Variants in DYNC1H1 observed in about 807,000 individuals in gnomAD.
DYNC1H1 encodes dynein cytoplasmic 1 heavy chain 1, also known as cytoplasmic dynein 1 heavy chain 1.
In DYNC1H1, 51 loss-of-function variants were observed where a neutral mutation model predicts 527.1. The observed-to-expected ratio is 0.10, with a 90% CI of 0.08 to 0.12. The LOEUF (loss-of-function observed/expected upper bound fraction) is 0.12, where lower values mean the gene tolerates loss of function less well. DYNC1H1 is among the 10% of genes least tolerant of loss of function. The probability of loss-of-function intolerance (pLI) is 1.00; values close to 1 mark genes in which losing one functional copy is unlikely to be tolerated. For missense variants in DYNC1H1, 2,771 were observed against 5,971.8 expected, an observed-to-expected ratio of 0.46 and a Z score of 17.66; for synonymous variants, 2,189 against 2,278.8, an observed-to-expected ratio of 0.96 and a Z score of 1.12.
At chr14:101,972,705 A>G (rs1470363268) in intron 1 of DYNC1H1, among the ~76,000 whole-genome samples, 2 of 151,698 alleles carry the variant, frequency 1.3e-5, no homozygotes, top group Non-Finnish European at 2.9e-5. Flanking sequence ...ATCAATGATG[A>G]CTCTTTATGG....
In DYNC1H1 at chr14:102,011,659, G is replaced by A. The variant is rs2048259907; in HGVS notation, c.6619-216G>A. Reference sequence around the variant, plus strand: ...GCCAGCTACTTGGGAGAGTGAGGAAGGAGAATCACTTGAACCTGGGAGGTG... The same window carrying A: ...GCCAGCTACTTGGGAGAGTGAGGAAAGAGAATCACTTGAACCTGGGAGGTG... On this transcript the variant is annotated intron_variant, in intron 32 of 77. Coordinates refer to ENST00000360184, the MANE Select transcript of DYNC1H1 (RefSeq NM_001376.5). The surrounding 1 kb of genome is among the most constrained non-coding windows in gnomAD (Gnocchi z 5.3). 1 of 576,814 alleles carries A rather than the reference G, an allele frequency of 1.7e-6. No individual in the cohort carries two copies. The highest frequency in any genetic ancestry group is 3.1e-6 in the Non-Finnish European group (1 of 322,856). The allele number at this position is 576,814 out of a possible 1,614,324, so 35.7% of individuals were successfully genotyped here.
At chr14:102,045,691 C>CCATT (rs2048709120) in intron 72 of DYNC1H1, among the ~76,000 whole-genome samples, 1 of 151,754 alleles carries the variant, frequency 6.6e-6, no homozygotes, top group Non-Finnish European at 1.5e-5. Context: ...TTTTTTAAAA[C>CCATT]CATTCATCTT....
intron 69 of DYNC1H1, chr14:102,043,664 C>CTA (rs1251934723): frequency 3.2e-6 from 2 of 628,598 alleles, no homozygotes; most frequent in African/African-American, 3.7e-5. Context: ...TTCTTACTGG[C>CTA]TGAATAAATT....
At chr14:101,973,142 C>T (rs534975433) in intron 1 of DYNC1H1, among the ~76,000 whole-genome samples, 3 of 151,952 alleles carry the variant, frequency 2.0e-5, no homozygotes, top group African/African-American at 7.2e-5. Flanking sequence ...AAAATTATAT[C>T]CAAATATACC....
chr14:102,011,020 A>G lies in DYNC1H1; in HGVS notation c.6618+68A>G. 6.5e-7 allele frequency: 1 copy of G among 1,540,228 alleles called. No individual in the cohort carries two copies. The highest frequency in any genetic ancestry group is 2.2e-5 in the East Asian group (1 of 44,528). On this transcript the variant is annotated intron_variant, in intron 32 of 77. Coordinates refer to ENST00000360184, the MANE Select transcript of DYNC1H1 (RefSeq NM_001376.5). The surrounding 1 kb of genome is among the most constrained non-coding windows in gnomAD (Gnocchi z 5.3). ...GCTGGCTTTAGTGTCTGGTAATGACAACCGTGGGCCCTTCGATGAAACTGT... is the reference window on the plus strand; with the variant it reads ...GCTGGCTTTAGTGTCTGGTAATGACGACCGTGGGCCCTTCGATGAAACTGT...
chr14:101,983,177 A>G lies in DYNC1H1; in HGVS notation c.1120A>G (p.Ile374Val), dbSNP rs771355909. Residue 374 changes from isoleucine to valine, a missense_variant, in exon 6 of 78, where the codon ATT becomes GTT. Around this residue, in one of 32 missense-constraint regions of DYNC1H1, gnomAD observed 264 missense variants for 619.4 expected, o/e 0.43. Coordinates refer to ENST00000360184, the MANE Select transcript of DYNC1H1 (RefSeq NM_001376.5). The surrounding 1 kb of genome is among the most constrained non-coding windows in gnomAD (Gnocchi z 5.3). ...AAAGATCCGAAACACAAAATATCCT[A>G]TTCAGAGGGCACTGCGTTTGGTGGA... Reference protein sequence around the residue: ...LRKIRNTKYPIQRALRLVEAI... With the variant: ...LRKIRNTKYPVQRALRLVEAI... 29 of 1,614,114 alleles carry G rather than the reference A, an allele frequency of 1.8e-5. No individual in the cohort carries two copies. The highest frequency in any genetic ancestry group is 2.5e-5 in the Non-Finnish European group (29 of 1,180,050).
At chr14:101,966,691 C>A (rs1448256248) in intron 1 of DYNC1H1, among the ~76,000 whole-genome samples, 1 of 151,926 alleles carries the variant, frequency 6.6e-6, no homozygotes, top group East Asian at 1.9e-4. Flanking sequence ...GTATTAGAAT[C>A]AGTGATTTTA....
At chr14:101,968,256 GT>G (rs2047689824) in intron 1 of DYNC1H1, among the ~76,000 whole-genome samples, 1 of 151,924 alleles carries the variant, frequency 6.6e-6, no homozygotes, top group Non-Finnish European at 1.5e-5. Flanking sequence ...TGTAGTTTGG[GT>G]TTTTTGTTTG....
In DYNC1H1 at chr14:102,038,090, G is replaced by A. The variant is rs1458790977; in HGVS notation, c.10909-370G>A. On this transcript the variant is annotated intron_variant, in intron 57 of 77. Coordinates refer to ENST00000360184, the MANE Select transcript of DYNC1H1 (RefSeq NM_001376.5). This position sits in a 1 kb window ranked among gnomAD's most constrained non-coding sequence, Gnocchi z 7.2. ...GAACCTCCCAGGTTCAAGCAATTCT[G>A]TCTCAGCCTCCCAGGTAGCTGGGAC... The A allele has an allele frequency of 8.5e-6, 3 of 352,108 alleles. No individual in the cohort carries two copies. Among genetic ancestry groups the A allele is most frequent in the Admixed American group, 7.7e-5 (2 of 25,810 alleles). The allele number at this position is 352,108 out of a possible 1,614,324, so 21.8% of individuals were successfully genotyped here.
rs548760128 is a variant in DYNC1H1 at position 102,034,068 on chromosome 14, C to A, written c.10506C>A (p.Thr3502=). 51 of 1,614,138 alleles carry A rather than the reference C, an allele frequency of 3.2e-5. No homozygotes were observed. In the East Asian group the frequency reaches 1.1e-3, roughly 34 times the overall value. ...TSETFKNQMS[T]IAGDCLLSAA... ...AAACTTTCAAAAACCAGATGTCCAC[C>A]ATTGCTGGGGACTGTCTCTTGTCAG... Residue 3502 remains threonine (T), a synonymous_variant, in exon 55 of 78, where the codon ACC becomes ACA. Transcript: ENST00000360184.
chr14:102,043,150 G>T (rs965635771), intron 69 of DYNC1H1: 1 of 331,840 alleles, frequency 3.0e-6, no homozygotes, highest in East Asian at 7.9e-5. Context: ...AGGCGTGGTG[G>T]CGTGCGCCTA....
In DYNC1H1 at chr14:102,017,349, T is replaced by C. The variant is rs1567012946; in HGVS notation, c.8056-34T>C. 2 of 1,614,246 alleles carry C rather than the reference T, an allele frequency of 1.2e-6. No individual in the cohort carries two copies. Among genetic ancestry groups the C allele is most frequent in the Non-Finnish European group, 1.7e-6 (2 of 1,180,050 alleles). ...CCCCACAATGTTTCTTGTTCAAGTT[T>C]TGCTCTTAATGTGGTACCTGTCCCT... On this transcript the variant is annotated intron_variant, in intron 39 of 77. Transcript: ENST00000360184. This position sits in a 1 kb window ranked among gnomAD's most constrained non-coding sequence, Gnocchi z 4.6.
chr14:102,041,459 C>G lies in DYNC1H1; in HGVS notation c.11942-115C>G, dbSNP rs1373152101. On this transcript the variant is annotated intron_variant, in intron 64 of 77. Transcript: ENST00000360184. This position sits in a 1 kb window ranked among gnomAD's most constrained non-coding sequence, Gnocchi z 4.5. Reference sequence around the variant, plus strand: ...GCTGAATTTCCTGATTTGAGCTGATCCTGAAATGCTGAGCATTTGCTGAGT... The same window carrying G: ...GCTGAATTTCCTGATTTGAGCTGATGCTGAAATGCTGAGCATTTGCTGAGT... The G allele has an allele frequency of 5.2e-6, 8 of 1,542,162 alleles. No homozygotes were observed. Among genetic ancestry groups the G allele is most frequent in the Non-Finnish European group, 7.1e-6 (8 of 1,122,436 alleles).
chr14:102,003,485 C>A (rs1271931821), intron 23 of DYNC1H1, among the ~76,000 whole-genome samples: 1 of 152,140 alleles, frequency 6.6e-6, no homozygotes, highest in Non-Finnish European at 1.5e-5. Context: ...TTGTCTAGAA[C>A]TTCTGACCTT....
rs1052215191 is a variant in DYNC1H1 at position 102,055,439 on chromosome 14, A to G, written c.*4876A>G. The G allele has an allele frequency of 6.6e-6, 1 of 152,344 alleles. No individual in the cohort carries two copies. Among genetic ancestry groups the G allele is most frequent in the African/African-American group, 2.4e-5 (1 of 41,416 alleles). 9.4% of individuals were successfully genotyped at this position (152,344 alleles called of 1,614,324 possible). A position where few individuals can be genotyped will look rare whatever the true frequency, so the allele number is the denominator to read the frequency against. On this transcript the variant is annotated 3_prime_UTR_variant, in exon 78 of 78. Transcript: ENST00000360184. ...TGACAGTCTCTGAAGCTGGGAGAACATGACCCCATGCTCTCCTGTTGGAGT... is the reference window on the plus strand; with the variant it reads ...TGACAGTCTCTGAAGCTGGGAGAACGTGACCCCATGCTCTCCTGTTGGAGT...
chr14:102,041,961 G>A lies in DYNC1H1; in HGVS notation c.12103-52G>A. The A allele has an allele frequency of 2.5e-6, 4 of 1,593,786 alleles. No individual in the cohort carries two copies. In the South Asian group the frequency reaches 4.4e-5, roughly 18 times the overall value. ...CTCGGGGCTCTCCTTTCCCTTGACA[G>A]GTACACACTATTTGCTGGCACTGTA... On this transcript the variant is annotated intron_variant, in intron 65 of 77. Transcript: ENST00000360184. The surrounding 1 kb of genome is among the most constrained non-coding windows in gnomAD (Gnocchi z 4.5).
Position 102,038,868 on chromosome 14 carries a change from CTT to C in DYNC1H1, c.11206+23_11206+24del. 6.2e-7 allele frequency: 1 copy of C among 1,614,148 alleles called. No individual in the cohort carries two copies. The highest frequency in any genetic ancestry group is 2.2e-5 in the East Asian group (1 of 44,888). ...TTCAAGGTAGGATCTGGACCTGTGG[CTT>C]TTAGATGGTTGGTGCAGGGGAAGGG... On this transcript the variant is annotated intron_variant, in intron 59 of 77. Transcript: ENST00000360184. This position sits in a 1 kb window ranked among gnomAD's most constrained non-coding sequence, Gnocchi z 7.2.
In DYNC1H1 at chr14:102,008,326, A is replaced by G; in HGVS notation, c.5966A>G (p.Asn1989Ser). ...QEALREHSNP[N>S]YDKTSAPITC... is the part of the protein sequence containing the mutation. ...GCACTGCGTGAACATTCCAACCCCA[A>G]CTACGACAAGAGTAAGACACCTCTT... Residue 1989 changes from asparagine to serine, a missense_variant, in exon 29 of 78, where the codon AAC becomes AGC. Physicochemically the swap from Asn to Ser is conservative, Grantham distance 46 (BLOSUM62 1). Transcript: ENST00000360184. 7 of 1,614,212 alleles carry G rather than the reference A, an allele frequency of 4.3e-6. No individual in the cohort carries two copies. The highest frequency in any genetic ancestry group is 5.9e-6 in the Non-Finnish European group (7 of 1,180,032).
chr14:102,043,126 A>AC, intron 69 of DYNC1H1: 1 of 337,368 alleles, frequency 3.0e-6, no homozygotes, highest in South Asian at 2.4e-5. Flanking sequence ...TACTAAAAAT[A>AC]TAAAAAATTA....
Sources: gnomAD v4.1 joint callset for allele counts (sites outside exome capture counted in the v4.1 genomes callset) on GRCh38, gnomAD v4.1.1 for gene constraint, gnomAD v4.1.1 regional missense constraint, Gnocchi (gnomAD v3.1) non-coding constraint, MANE v1.5 for transcripts, NCBI Gene and HGNC (gene_info 2026-07-23, HGNC 2026-07-21) for gene names.